SDK1: variants seen among roughly 807,000 people sequenced by gnomAD.
The protein encoded by SDK1 is protein sidekick-1.
In SDK1, 157 loss-of-function variants were observed where a neutral mutation model predicts 245.5. That is an observed-to-expected ratio of 0.64 (90% CI 0.56 to 0.73). The LOEUF (loss-of-function observed/expected upper bound fraction) is 0.73, where lower values mean the gene tolerates loss of function less well. Ranked by LOEUF, SDK1 falls within the 30% of genes least tolerant of loss-of-function variation. SDK1 has a pLI of 0.00. For missense variants in SDK1, 3,583 were observed against 3,002.3 expected (o/e 1.19, Z -4.52); for synonymous variants, 1,647 against 1,278.5 (o/e 1.29, Z -6.15).
At chr7:4,216,934 C>T (rs1046411582) in intron 38 of SDK1, among the ~76,000 whole-genome samples, 2 of 152,144 alleles carry the variant, frequency 1.3e-5, no homozygotes, top group Admixed American at 1.3e-4. Flanking sequence ...GAACACTCCT[C>T]GAACCCCTGG....
intron 5 of SDK1, among the ~76,000 whole-genome samples, chr7:3,897,543 A>C (rs1421127427): frequency 6.6e-6 from 1 of 152,148 alleles, no homozygotes; most frequent in Non-Finnish European, 1.5e-5. Context: ...CTTCTTTTTT[A>C]AGGTAAAATA....
intron 1 of SDK1, among the ~76,000 whole-genome samples, chr7:3,453,449 A>G (rs1192983323): frequency 1.3e-5 from 2 of 152,230 alleles, no homozygotes; most frequent in African/African-American, 2.4e-5. Flanking sequence ...TCTTGAGATG[A>G]AGAGATTATC....
At chr7:3,479,899 G>A (rs1781459514) in intron 1 of SDK1, among the ~76,000 whole-genome samples, 1 of 151,212 alleles carries the variant, frequency 6.6e-6, no homozygotes, top group Non-Finnish European at 1.5e-5. Flanking sequence ...TTAAATGAGA[G>A]ACCTCTAATT....
intron 1 of SDK1, among the ~76,000 whole-genome samples, chr7:3,464,217 T>C (rs1780919850): frequency 6.6e-6 from 1 of 152,298 alleles, no homozygotes; most frequent in East Asian, 1.9e-4. Flanking sequence ...AACTTTTTTT[T>C]CCCCTCTGTT....
At chr7:4,159,347 C>T (rs1780972399) in intron 31 of SDK1, among the ~76,000 whole-genome samples, 1 of 152,220 alleles carries the variant, frequency 6.6e-6, no homozygotes, top group Admixed American at 6.5e-5. Flanking sequence ...CCCTTGGCCT[C>T]AGGGACCAGC....
intron 1 of SDK1, among the ~76,000 whole-genome samples, chr7:3,581,822 TAGAATG>T (rs1223855021): frequency 1.3e-5 from 2 of 152,152 alleles, no homozygotes; most frequent in African/African-American, 4.8e-5. Context: ...GGCCATGAAA[TAGAATG>T]AGATTGTGTC....
At position 3,425,985 on chromosome 7, in the gene SDK1, G is replaced by A. The variant is rs138153660; in HGVS notation, c.298+124101G>A. ...CCCCTTCTCAAAAGATTTTTAATCT[G>A]TAAATGGCAACTTATACATGGAAGG... On this transcript the variant is annotated intron_variant, in intron 1 of 44. Transcript: ENST00000404826. 2.6e-5 allele frequency among the ~76,000 whole-genome samples: 4 copies of A among 152,298 alleles called. No individual in the cohort carries two copies. The East Asian group carries it at 5.8e-4, about 22-fold the overall frequency.
chr7:3,555,156 G>A (rs1735895282), intron 1 of SDK1, among the ~76,000 whole-genome samples: 1 of 152,102 alleles, frequency 6.6e-6, no homozygotes, highest in Non-Finnish European at 1.5e-5. Flanking sequence ...ATAACTTGAG[G>A]AGTCACATTT....
Position 4,055,047 on chromosome 7 carries a change from C to G in SDK1, c.2911+3217C>G, listed in dbSNP as rs945152100. 7.2e-5 allele frequency among the ~76,000 whole-genome samples: 11 copies of G among 152,264 alleles called. No individual in the cohort carries two copies. The East Asian group carries it at 1.9e-3, about 27-fold the overall frequency. On this transcript the variant is annotated intron_variant, in intron 19 of 44. Transcript: ENST00000404826. ...ATGTAAGTTCATGAGAGATATTAAT[C>G]TGTAGTTGTCTTTTTTTGTGTGTTA... is the stretch of plus-strand genomic sequence containing the variant.
intron 5 of SDK1, among the ~76,000 whole-genome samples, chr7:3,931,610 A>C (rs1251079450): frequency 6.6e-6 from 1 of 152,168 alleles, no homozygotes; most frequent in Non-Finnish European, 1.5e-5. Context: ...GGTACACCCT[A>C]AGCTCCTTAA....
At chr7:3,924,674 G>A (rs775037129) in intron 5 of SDK1, among the ~76,000 whole-genome samples, 5 of 152,184 alleles carry the variant, frequency 3.3e-5, no homozygotes, top group South Asian at 4.1e-4. Flanking sequence ...CAGTCCGTCC[G>A]TAGCTTTCCC....
chr7:4,001,835 C>T (rs1785100735), intron 14 of SDK1, among the ~76,000 whole-genome samples: 1 of 152,208 alleles, frequency 6.6e-6, no homozygotes. Flanking sequence ...TCTCAGGCGT[C>T]CTCAGTGGTT....
chr7:3,698,217 A>G (rs1483851528), intron 4 of SDK1, among the ~76,000 whole-genome samples: 1 of 152,346 alleles, frequency 6.6e-6, no homozygotes, highest in East Asian at 1.9e-4. Flanking sequence ...AACTGTGGCC[A>G]TATTCACAAA....
intron 12 of SDK1, among the ~76,000 whole-genome samples, chr7:3,972,555 C>T (rs933386070): frequency 1.3e-5 from 2 of 152,100 alleles, no homozygotes; most frequent in Non-Finnish European, 2.9e-5. Context: ...TGGAATCAGC[C>T]TTGAAAATAA....
chr7:4,008,127 A>G (rs1419428464), intron 14 of SDK1, among the ~76,000 whole-genome samples: 1 of 152,192 alleles, frequency 6.6e-6, no homozygotes, highest in Admixed American at 6.5e-5. Context: ...TGTCTCATGC[A>G]AGTGGAATCA....
intron 30 of SDK1, among the ~76,000 whole-genome samples, chr7:4,152,749 A>G (rs1443258407): frequency 6.6e-6 from 1 of 152,246 alleles, no homozygotes; most frequent in Non-Finnish European, 1.5e-5. Context: ...CTGTTTAATA[A>G]TCCTGACAGC....
chr7:3,788,600 C>T (rs373539243), intron 4 of SDK1, among the ~76,000 whole-genome samples: 35 of 152,114 alleles, frequency 2.3e-4, no homozygotes, highest in East Asian at 9.6e-4. Context: ...CCCTGGGCCA[C>T]GTTGGAAAAA....
intron 1 of SDK1, among the ~76,000 whole-genome samples, chr7:3,387,070 A>C (rs1392950652): frequency 6.6e-6 from 1 of 152,088 alleles, no homozygotes; most frequent in Non-Finnish European, 1.5e-5. Context: ...CCAAGTGAGC[A>C]TATGTTTACT....
In SDK1 at chr7:3,501,548, G is replaced by C. The variant is rs118174385; in HGVS notation, c.299-117532G>C. 3.4e-3 allele frequency among the ~76,000 whole-genome samples: 520 copies of C among 152,182 alleles called. 5 individuals carry two copies. Among genetic ancestry groups the C allele is most frequent in the Middle Eastern group, 0.017 (5 of 294 alleles). On this transcript the variant is annotated intron_variant, in intron 1 of 44. Coordinates refer to ENST00000404826, the MANE Select transcript of SDK1 (RefSeq NM_152744.4). ...CGTGCTCCTGATTATATTGTGGAAA[G>C]GTGATTTAGTCATACAACAGAATTC...
Sources: gnomAD v4.1 joint callset for allele counts (sites outside exome capture counted in the v4.1 genomes callset) on GRCh38, gnomAD v4.1.1 for gene constraint, MANE v1.5 for transcripts, NCBI Gene and HGNC (gene_info 2026-07-23, HGNC 2026-07-21) for gene names.